EPHA7: variants seen among roughly 807,000 people sequenced by gnomAD.
The protein encoded by EPHA7 is ephrin type-A receptor 7.
In EPHA7, 25 loss-of-function variants were observed where a neutral mutation model predicts 112.6. The ratio of observed to expected loss-of-function variants is 0.22; its 90% CI spans 0.16 to 0.31. EPHA7 has a LOEUF of 0.31. Among genes scored for constraint, EPHA7 ranks in the 10% least tolerant of loss-of-function variants. The probability of loss-of-function intolerance (pLI) is 1.00; values close to 1 mark genes in which losing one functional copy is unlikely to be tolerated. For missense variants in EPHA7, 962 were observed against 1,212.6 expected (o/e 0.79, Z 3.07); for synonymous variants, 437 against 406.5 (o/e 1.07, Z -0.90).
At chr6:93,386,531 C>T (rs1049195629) in intron 3 of EPHA7, among the ~76,000 whole-genome samples, 2 of 152,140 alleles carry the variant, frequency 1.3e-5, no homozygotes, top group African/African-American at 4.8e-5. Flanking sequence ...TCCAGGTGCA[C>T]GTGTAAGCTG....
intron 3 of EPHA7, among the ~76,000 whole-genome samples, chr6:93,360,984 T>G (rs1776233627): frequency 6.6e-6 from 1 of 152,080 alleles, no homozygotes; most frequent in African/African-American, 2.4e-5. Flanking sequence ...CCTTATTATT[T>G]TTATTATACA....
Position 93,242,430 on chromosome 6 carries a change from A to G in EPHA7, c.*996T>C. 1 of 193,974 alleles carries G rather than the reference A, an allele frequency of 5.2e-6. No individual in the cohort carries two copies. The highest frequency in any genetic ancestry group is 1.1e-5 in the Non-Finnish European group (1 of 92,772). The allele number at this position is 193,974 out of a possible 1,614,324, so 12.0% of individuals were successfully genotyped here. ...AGAAGAGGATATAAAATATATGTCA[A>G]CTATTTATCCTAAATTTCCTAATGT... is the stretch of plus-strand genomic sequence containing the variant. On this transcript the variant is annotated 3_prime_UTR_variant, in exon 17 of 17. Coordinates refer to ENST00000369303, the MANE Select transcript of EPHA7 (RefSeq NM_004440.4).
At chr6:93,263,173 G>T (rs1770768090) in intron 9 of EPHA7, among the ~76,000 whole-genome samples, 1 of 151,204 alleles carries the variant, frequency 6.6e-6, no homozygotes, top group Non-Finnish European at 1.5e-5. Flanking sequence ...TTTTGATTTT[G>T]CCTACATAAA....
chr6:93,327,302 A>G (rs1436379588), intron 5 of EPHA7, among the ~76,000 whole-genome samples: 1 of 151,496 alleles, frequency 6.6e-6, no homozygotes, highest in Non-Finnish European at 1.5e-5. Context: ...CTCAATGGCC[A>G]TTCATTCTCT....
rs752575717 is a variant in EPHA7, at chr6:93,263,903, A to G, written c.1755T>C (p.Tyr585=). Residue 585 remains tyrosine, a synonymous_variant, in exon 9 of 17, where the codon TAT becomes TAC. Transcript: ENST00000369303. Reference sequence around the variant, plus strand: ...CATCGCCTTCTTGGTCAGCTTTGCTATAACCACAGTGCCTTGAAGAAAGCA... The same window carrying G: ...CATCGCCTTCTTGGTCAGCTTTGCTGTAACCACAGTGCCTTGAAGAAAGCA... The part of the protein sequence containing the change: ...GFIIGRRHCG[Y]SKADQEGDEE... 1.2e-6 allele frequency: 2 copies of G among 1,609,522 alleles called. No individual in the cohort carries two copies. Among genetic ancestry groups the G allele is most frequent in the Admixed American group, 3.3e-5 (2 of 59,744 alleles).
chr6:93,281,977 T>G (rs1329140041), intron 5 of EPHA7, among the ~76,000 whole-genome samples: 1 of 151,906 alleles, frequency 6.6e-6, no homozygotes, highest in Non-Finnish European at 1.5e-5. Flanking sequence ...CAAATAATTT[T>G]ATGTAATATA....
intron 3 of EPHA7, among the ~76,000 whole-genome samples, chr6:93,390,820 G>A (rs1231317567): frequency 6.6e-6 from 1 of 151,860 alleles, no homozygotes; most frequent in Non-Finnish European, 1.5e-5. Context: ...ACAAACTCAT[G>A]CAGGTTTATC....
intron 5 of EPHA7, among the ~76,000 whole-genome samples, chr6:93,305,362 T>A (rs1773202381): frequency 6.6e-6 from 1 of 151,814 alleles, no homozygotes; most frequent in Admixed American, 6.6e-5. Flanking sequence ...AGTTCTGCTA[T>A]CCAGAATTCA....
chr6:93,394,653 A>G (rs938658701), intron 3 of EPHA7, among the ~76,000 whole-genome samples: 7 of 151,806 alleles, frequency 4.6e-5, no homozygotes, highest in Non-Finnish European at 8.8e-5. Context: ...CACTTCTTTA[A>G]TAAGTACAAA....
At chr6:93,415,082 G>A (rs986505698) in intron 1 of EPHA7, among the ~76,000 whole-genome samples, 1 of 151,908 alleles carries the variant, frequency 6.6e-6, no homozygotes. Flanking sequence ...ATATATTACG[G>A]TTTTGTAAAC....
chr6:93,328,982 T>C (rs548957835), intron 5 of EPHA7, among the ~76,000 whole-genome samples: 34 of 151,428 alleles, frequency 2.2e-4, no homozygotes, highest in Non-Finnish European at 4.1e-4. Flanking sequence ...TAACCAAAAC[T>C]GCATTATAAA....
At position 93,241,989 on chromosome 6, in the gene EPHA7, C is replaced by T. The variant is rs1055453435; in HGVS notation, c.*1437G>A. ...TAAAATCATTATAAACAGCCCAATT[C>T]TCTTTGGAAGTACAACAGTTCAATT... is the stretch of plus-strand genomic sequence containing the variant. On this transcript the variant is annotated 3_prime_UTR_variant, in exon 17 of 17. Coordinates refer to ENST00000369303, the MANE Select transcript of EPHA7 (RefSeq NM_004440.4). 2 of 211,892 alleles carry T rather than the reference C, an allele frequency of 9.4e-6. No individual in the cohort carries two copies. Among genetic ancestry groups the T allele is most frequent in the Admixed American group, 1.2e-4 (2 of 17,022 alleles). The allele number at this position is 211,892 out of a possible 1,614,324, so 13.1% of individuals were successfully genotyped here. A position where few individuals can be genotyped will look rare whatever the true frequency, so the allele number is the denominator to read the frequency against.
At chr6:93,382,228 C>T (rs1777372272) in intron 3 of EPHA7, among the ~76,000 whole-genome samples, 4 of 152,018 alleles carry the variant, frequency 2.6e-5, no homozygotes, top group Admixed American at 1.3e-4. Context: ...TAAATGGGTG[C>T]CAGGGTGGGG....
intron 14 of EPHA7, among the ~76,000 whole-genome samples, chr6:93,251,742 T>G (rs1770226036): frequency 6.6e-6 from 1 of 151,986 alleles, no homozygotes; most frequent in Admixed American, 6.6e-5. Flanking sequence ...AAAAGGATAT[T>G]TTCAATTTCC....
At chr6:93,344,650 CA>C (rs1302207249) in intron 5 of EPHA7, among the ~76,000 whole-genome samples, 1 of 151,594 alleles carries the variant, frequency 6.6e-6, no homozygotes. Context: ...CTCAAGTTAT[CA>C]GTAAAAACTG....
chr6:93,311,112 C>A (rs992381058), intron 5 of EPHA7, among the ~76,000 whole-genome samples: 1 of 71,030 alleles, frequency 1.4e-5, no homozygotes, highest in African/African-American at 6.7e-5. Context: ...TCATGCCCAG[C>A]TATTTTTTTT....
intron 3 of EPHA7, among the ~76,000 whole-genome samples, chr6:93,362,099 A>C (rs1393820756): frequency 6.6e-6 from 1 of 152,052 alleles, no homozygotes; most frequent in Non-Finnish European, 1.5e-5. Context: ...CTGTTCTTTT[A>C]GTCCTTAGGG....
At chr6:93,416,865 G>A (rs1779258264) in intron 1 of EPHA7, among the ~76,000 whole-genome samples, 1 of 152,058 alleles carries the variant, frequency 6.6e-6, no homozygotes, top group Non-Finnish European at 1.5e-5. Flanking sequence ...TGGCGTCCCG[G>A]GGCTGGGGCG....
At chr6:93,283,915 T>C (rs906391977) in intron 5 of EPHA7, among the ~76,000 whole-genome samples, 4 of 152,154 alleles carry the variant, frequency 2.6e-5, no homozygotes, top group Admixed American at 6.5e-5. Flanking sequence ...ATAAATACAA[T>C]TTAAAGTTTT....
Sources: gnomAD v4.1 joint callset for allele counts (sites outside exome capture counted in the v4.1 genomes callset) on GRCh38, gnomAD v4.1.1 for gene constraint, MANE v1.5 for transcripts, NCBI Gene and HGNC (gene_info 2026-07-23, HGNC 2026-07-21) for gene names.